BRF2: variants seen among roughly 807,000 people sequenced by gnomAD.
The protein encoded by BRF2 is BRF2 general transcription factor IIIB subunit.
In BRF2, 17 loss-of-function variants were observed where a neutral mutation model predicts 26.6. That is an observed-to-expected ratio of 0.64 (90% confidence interval 0.44 to 0.96). The LOEUF is 0.96. BRF2 is among the 40% of genes least tolerant of loss of function. The probability of loss-of-function intolerance (pLI) is 0.00; values close to 1 mark genes in which losing one functional copy is unlikely to be tolerated. For synonymous variants in BRF2, 219 were observed against 226.6 expected (o/e 0.97, Z 0.30); for missense variants, 515 against 537.0 (o/e 0.96, Z 0.40).
intron 2 of BRF2, among the ~76,000 whole-genome samples, chr8:37,848,166 G>A (rs1244189093): frequency 6.6e-6 from 1 of 151,442 alleles, no homozygotes; most frequent in African/African-American, 2.4e-5. Context: ...TAACCAGGAT[G>A]GTCTCAATCT....
chr8:37,846,907 TC>T lies in BRF2; in HGVS notation c.482del (p.Gly161AspfsTer13), dbSNP rs1563358883. On this transcript the variant is annotated frameshift_variant, in exon 3 of 4. Transcript: ENST00000220659. LOFTEE classifies it high-confidence loss of function. ...CCAAGCACAGAGATGGCACATCCAG[TC>T]CCAGGAGCTTCACTATCTGCATGTA... is the stretch of plus-strand genomic sequence containing the variant. ...STYMQIVKLL[G>X]LDVPSLCLAE... 6.2e-7 allele frequency: 1 copy of T among 1,614,124 alleles called. No individual in the cohort carries two copies. The highest frequency in any genetic ancestry group is 8.5e-7 in the Non-Finnish European group (1 of 1,180,002).
intron 2 of BRF2, 28 bp from the exon 3 acceptor site, chr8:37,847,203 A>C: frequency 6.2e-7 from 1 of 1,601,514 alleles, no homozygotes; most frequent in South Asian, 1.1e-5. Flanking sequence ...CAAGAGTTAG[A>C]GGGGTCAAAG....
At chr8:37,848,472 C>G in intron 2 of BRF2, 124 bp downstream of exon 2, 3 of 822,926 alleles carry the variant, frequency 3.6e-6, no homozygotes, top group Non-Finnish European at 6.3e-6. Flanking sequence ...GTCTTGAACT[C>G]CTGACCTCAG....
Position 37,845,171 on chromosome 8 carries a change from G to A in BRF2, c.579C>T (p.Tyr193=), listed in dbSNP as rs747882102. 30 of 1,612,284 alleles carry A rather than the reference G, an allele frequency of 1.9e-5. No homozygotes were observed. The highest frequency in any genetic ancestry group is 2.2e-5 in the East Asian group (1 of 44,872). ...FQASPSVPAK[Y]VEDKEKMLSR... ...ACAGCATCTTCTCTTTGTCTTCCAC[G>A]TATTTGGCTGGCACAGAAGGTGAAG... The change falls in exon 4 of 4, where the codon TAC becomes TAT. Residue 193 remains tyrosine, a synonymous_variant. Transcript: ENST00000220659.
rs1476961338 is a variant in BRF2, at chr8:37,843,421, A to C, written c.*1069T>G. 6.6e-6 allele frequency: 1 copy of C among 152,310 alleles called. No individual in the cohort carries two copies. Among genetic ancestry groups the C allele is most frequent in the East Asian group, 1.9e-4 (1 of 5,204 alleles). 9.4% of individuals were successfully genotyped at this position (152,310 alleles called of 1,614,324 possible). A position where few individuals can be genotyped will look rare whatever the true frequency, so the allele number is the denominator to read the frequency against. ...TTCCCGACTCCCAGGAGCTCAAGCC[A>C]AGCCCAGAGGCAGTGGCTGGGGTCC... On this transcript the variant is annotated 3_prime_UTR_variant, in exon 4 of 4. Transcript: ENST00000220659.
intron 2 of BRF2, among the ~76,000 whole-genome samples, chr8:37,847,928 TTTATTATTATTATTATTA>T (rs201041026): frequency 7.1e-5 from 6 of 84,004 alleles, no homozygotes; most frequent in South Asian, 6.2e-4. Context: ...ATAGTTTTCT[TTTATTATTATTATTATTA>T]TTATTATTAT....
At chr8:37,848,539 A>T (rs11777510) in intron 2 of BRF2, 57 bp downstream of exon 2, 724,541 of 1,520,966 alleles carry the variant, frequency 0.48, 175,889 homozygotes, top group East Asian at 0.72. Flanking sequence ...GAGCCACAGC[A>T]CCTGGCCTAG....
intron 3 of BRF2, chr8:37,845,674 C>T (rs764971043): frequency 1.8e-4 from 126 of 699,266 alleles, no homozygotes; most frequent in Middle Eastern, 1.4e-3. Context: ...GCAGTGCTCA[C>T]GCCTGTAATA....
rs369537025 is a variant in BRF2, at chr8:37,844,652, C to T, written c.1098G>A (p.Pro366=). 13 of 1,613,992 alleles carry T rather than the reference C, an allele frequency of 8.1e-6. No homozygotes were observed. The highest frequency in any genetic ancestry group is 2.2e-5 in the South Asian group (2 of 91,082). The change falls in exon 4 of 4, where the codon CCG becomes CCA. Residue 366 remains proline (P), a synonymous_variant. Coordinates refer to ENST00000220659, the MANE Select transcript of BRF2 (RefSeq NM_018310.4). ...LLLPPCMLKS[P]KRICPVPPVS... ...CAGGGGGTACAGGGCAGATCCGCTT[C>T]GGGGACTTCAACATGCAGGGTGGCA...
intron 2 of BRF2, 59 bp from the exon 3 acceptor site, chr8:37,847,234 G>GC: frequency 6.7e-7 from 1 of 1,499,856 alleles, no homozygotes; most frequent in Non-Finnish European, 9.3e-7. Context: ...GCAACTCCTA[G>GC]AAAATTCTGC....
At chr8:37,845,358 T>G (rs1357359034) in intron 3 of BRF2, 145 bp from the exon 4 acceptor site, 1 of 705,522 alleles carries the variant, frequency 1.4e-6, no homozygotes, top group Admixed American at 2.4e-5. Context: ...ATAAAGGTAG[T>G]GAGAGAAAAC....
intron 2 of BRF2, chr8:37,847,483 C>G (rs565411097): frequency 6.3e-6 from 3 of 473,806 alleles, no homozygotes; most frequent in South Asian, 5.2e-5. Flanking sequence ...AAACCCAAAC[C>G]TTATACTGAA....
At chr8:37,847,848 C>T (rs1465792196) in intron 2 of BRF2, among the ~76,000 whole-genome samples, 1 of 151,974 alleles carries the variant, frequency 6.6e-6, no homozygotes, top group South Asian at 2.1e-4. Flanking sequence ...AATTACCATT[C>T]TCTTCTACTC....
Position 37,843,314 on chromosome 8 carries a change from C to G in BRF2, c.*1176G>C, listed in dbSNP as rs891965218. On this transcript the variant is annotated 3_prime_UTR_variant, in exon 4 of 4. Transcript: ENST00000220659. ...CTAAGGAAGAGCACTTCCTTGCCTC[C>G]GTAAGGCCAGAGGAAGAACCATCCC... 2.0e-5 allele frequency: 3 copies of G among 152,328 alleles called. No individual in the cohort carries two copies. The highest frequency in any genetic ancestry group is 2.0e-4 in the Admixed American group (3 of 15,290). 9.4% of individuals were successfully genotyped at this position (152,328 alleles called of 1,614,324 possible).
intron 3 of BRF2, chr8:37,845,546 C>T (rs1305954142): frequency 1.6e-6 from 1 of 612,802 alleles, no homozygotes; most frequent in Non-Finnish European, 2.9e-6. Flanking sequence ...GTCATCCAGC[C>T]AGGCAGTAAC....
In BRF2 at chr8:37,849,754, G is replaced by A. The variant is rs1806036134; in HGVS notation, c.30C>T (p.Cys10=). The A allele has an allele frequency of 1.2e-6, 2 of 1,611,778 alleles. No homozygotes were observed. Among genetic ancestry groups the A allele is most frequent in the South Asian group, 2.2e-5 (2 of 90,942 alleles). MPGRGRCPD[C]GSTELVEDSH... is the part of the protein sequence containing the mutation. ...AGTCTTCCACCAGCTCCGTGGAGCCGCAGTCCGGGCAGCGGCCTCTGCCTG... is the reference window on the plus strand; with the variant it reads ...AGTCTTCCACCAGCTCCGTGGAGCCACAGTCCGGGCAGCGGCCTCTGCCTG... The change falls in exon 1 of 4, where the codon TGC becomes TGT. Residue 10 remains cysteine (C), a synonymous_variant. Transcript: ENST00000220659.
rs752683978 is a variant in BRF2 at position 37,845,119 on chromosome 8, C to T, written c.631G>A (p.Ala211Thr). 1 of 1,613,844 alleles carries T rather than the reference C, an allele frequency of 6.2e-7. No homozygotes were observed. Among genetic ancestry groups the T allele is most frequent in the Non-Finnish European group, 8.5e-7 (1 of 1,179,988 alleles). The change falls in exon 4 of 4, where the codon GCA becomes ACA. Residue 211 changes from alanine to threonine, a missense_variant. Transcript: ENST00000220659. ...CCGGTCACCAGCCACGTCTCATTTGCCAGCTCCACCAACTGCATTGTTCGA... is the reference window on the plus strand; with the variant it reads ...CCGGTCACCAGCCACGTCTCATTTGTCAGCTCCACCAACTGCATTGTTCGA... The part of the protein sequence containing the change: ...LSRTMQLVEL[A>T]NETWLVTGRH...
chr8:37,843,420 C>T lies in BRF2; in HGVS notation c.*1070G>A, dbSNP rs1159323724. On this transcript the variant is annotated 3_prime_UTR_variant, in exon 4 of 4. Coordinates refer to ENST00000220659, the MANE Select transcript of BRF2 (RefSeq NM_018310.4). The stretch of plus-strand genomic sequence containing the variant: ...CTTCCCGACTCCCAGGAGCTCAAGC[C>T]AAGCCCAGAGGCAGTGGCTGGGGTC... 6.6e-6 allele frequency: 1 copy of T among 152,292 alleles called. No homozygotes were observed. Among genetic ancestry groups the T allele is most frequent in the African/African-American group, 2.4e-5 (1 of 41,458 alleles). The allele number at this position is 152,292 out of a possible 1,614,324, so 9.4% of individuals were successfully genotyped here.
At position 37,843,441 on chromosome 8, in the gene BRF2, G is replaced by A. The variant is rs1029013193; in HGVS notation, c.*1049C>T. Reference sequence around the variant, plus strand: ...AAGCCAAGCCCAGAGGCAGTGGCTGGGGTCCCTGCAGGTCATGAGGGGCCT... The same window carrying A: ...AAGCCAAGCCCAGAGGCAGTGGCTGAGGTCCCTGCAGGTCATGAGGGGCCT... On this transcript the variant is annotated 3_prime_UTR_variant, in exon 4 of 4. Coordinates refer to ENST00000220659, the MANE Select transcript of BRF2 (RefSeq NM_018310.4). 6.6e-6 allele frequency: 1 copy of A among 152,242 alleles called. No homozygotes were observed. The highest frequency in any genetic ancestry group is 2.4e-5 in the African/African-American group (1 of 41,444). The allele number at this position is 152,242 out of a possible 1,614,324, so 9.4% of individuals were successfully genotyped here. A position where few individuals can be genotyped will look rare whatever the true frequency, so the allele number is the denominator to read the frequency against.
Sources: gnomAD v4.1 joint callset for allele counts (sites outside exome capture counted in the v4.1 genomes callset) on GRCh38, gnomAD v4.1.1 for gene constraint, MANE v1.5 for transcripts, NCBI Gene and HGNC (gene_info 2026-07-23, HGNC 2026-07-21) for gene names.